ZP2: variants seen among roughly 807,000 people sequenced by gnomAD.
ZP2 encodes zona pellucida glycoprotein 2, also known as zona pellucida sperm-binding protein 2.
A neutral mutation model predicts 84.0 loss-of-function variants in ZP2; 51 were observed. That is an observed-to-expected ratio of 0.61 (90% CI 0.49 to 0.77). The LOEUF (loss-of-function observed/expected upper bound fraction) is 0.77. Among genes scored for constraint, ZP2 ranks in the 30% least tolerant of loss-of-function variants. The pLI is 0.00. For synonymous variants in ZP2, 375 were observed against 330.9 expected, an observed-to-expected ratio of 1.13 and a Z score of -1.45; for missense variants, 909 against 911.9, an observed-to-expected ratio of 1.00 and a Z score of 0.04.
chr16:21,202,750 G>A (rs1200129787), intron 10 of ZP2, among the ~76,000 whole-genome samples: 2 of 146,280 alleles, frequency 1.4e-5, no homozygotes, highest in Non-Finnish European at 3.0e-5. Flanking sequence ...AGCACATGGT[G>A]GAGGCAATGC....
chr16:21,211,886 T>C (rs2093276850), upstream of ZP2: 2 of 874,920 alleles, frequency 2.3e-6, no homozygotes, highest in East Asian at 4.0e-5. Flanking sequence ...AAGAGAATCA[T>C]GGGCTTTATT....
At chr16:21,209,416 G>A (rs1248587092) in intron 4 of ZP2, among the ~76,000 whole-genome samples, 1 of 152,146 alleles carries the variant, frequency 6.6e-6, no homozygotes, top group Non-Finnish European at 1.5e-5. Flanking sequence ...TGATCCACCC[G>A]TCTCAGCCTC....
In ZP2 at chr16:21,201,203, CAAAA is replaced by C. The variant is rs74269334; in HGVS notation, c.1694+162_1694+165del. Reference sequence around the variant, plus strand: ...GACAGAATGAGACCCCATCTCAAAACAAAAAAAAAAAAAACAGAAGGCAGAAGAG... The same window carrying C: ...GACAGAATGAGACCCCATCTCAAAACAAAAAAAAAACAGAAGGCAGAAGAG... On this transcript the variant is annotated intron_variant, in intron 14 of 18. Coordinates refer to ENST00000574091, the MANE Select transcript of ZP2 (RefSeq NM_001376232.1). 4.5e-5 allele frequency among the ~76,000 whole-genome samples: 5 copies of C among 112,250 alleles called. No individual in the cohort carries two copies. In the South Asian group the frequency reaches 1.1e-3, roughly 25 times the overall value. 73.6% of individuals were successfully genotyped at this position (112,250 alleles called of 152,430 possible).
chr16:21,213,685 C>T (rs1248643850), upstream of ZP2, among the ~76,000 whole-genome samples: 1 of 152,138 alleles, frequency 6.6e-6, no homozygotes, highest in Non-Finnish European at 1.5e-5. Context: ...AGTGGTTAAC[C>T]TCCTTACGGG....
At chr16:21,202,938 T>C (rs2093232740) in intron 10 of ZP2, among the ~76,000 whole-genome samples, 187 bp downstream of exon 10, 1 of 152,224 alleles carries the variant, frequency 6.6e-6, no homozygotes, top group South Asian at 2.1e-4. Flanking sequence ...CCTACCTATG[T>C]AGGGATCTTA....
intron 6 of ZP2, 56 bp downstream of exon 6, chr16:21,205,675 C>A: frequency 6.2e-7 from 1 of 1,613,256 alleles, no homozygotes; most frequent in South Asian, 1.1e-5. Context: ...GGTAATATCA[C>A]CTTTAACATA....
intron 5 of ZP2, 48 bp from the exon 6 acceptor site, chr16:21,205,823 TTTCCGAA>T: frequency 6.3e-7 from 1 of 1,597,734 alleles, no homozygotes; most frequent in Non-Finnish European, 8.6e-7. Flanking sequence ...GAGGTAGATG[TTTCCGAA>T]TTCATGCCAG....
upstream of ZP2, among the ~76,000 whole-genome samples, chr16:21,213,034 G>A (rs558018286): frequency 5.3e-5 from 8 of 152,282 alleles, no homozygotes; most frequent in South Asian, 2.1e-4. Flanking sequence ...AGTTTTTGCC[G>A]CTACTTTTAT....
chr16:21,203,828 A>G (rs2093237042), intron 9 of ZP2: 1 of 619,410 alleles, frequency 1.6e-6, no homozygotes, highest in African/African-American at 1.8e-5. Flanking sequence ...CAGAAGTTAA[A>G]GAGGTTTTGT....
chr16:21,198,066 GACT>G (rs1229410084), intron 17 of ZP2: 1 of 488,564 alleles, frequency 2.0e-6, no homozygotes, highest in Non-Finnish European at 3.6e-6. Context: ...TTAAATCTTT[GACT>G]ACTATACAAG....
chr16:21,211,121 A>T (rs541164761), intron 2 of ZP2, among the ~76,000 whole-genome samples, 186 bp downstream of exon 2: 1 of 152,246 alleles, frequency 6.6e-6, no homozygotes, highest in South Asian at 2.1e-4. Context: ...CAAGTGTTTG[A>T]GTTTTCATTT....
In ZP2 at chr16:21,203,209, G is replaced by A; in HGVS notation, c.1015C>T (p.Leu339Phe). 1 of 1,613,950 alleles carries A rather than the reference G, an allele frequency of 6.2e-7. No individual in the cohort carries two copies. Among genetic ancestry groups the A allele is most frequent in the Non-Finnish European group, 8.5e-7 (1 of 1,179,900 alleles). The change falls in exon 10 of 19, where the codon CTC becomes TTC. Residue 339 changes from leucine to phenylalanine, a missense_variant. By Grantham distance (22) the Leu-to-Phe change is conservative (BLOSUM62 0). Transcript: ENST00000574091. The part of the protein sequence containing the change: ...CLLHQFYLAS[L>F]KLTFLLRPET... ...GGCCGAAGGAGAAAGGTCAGCTTGA[G>A]TGAAGCTAAGTAGAACTGATGGAGT...
At chr16:21,201,196 C>T (rs1218836295) in intron 14 of ZP2, among the ~76,000 whole-genome samples, 173 bp downstream of exon 14, 1 of 146,018 alleles carries the variant, frequency 6.8e-6, no homozygotes, top group African/African-American at 2.7e-5. Context: ...GAGACCCCAT[C>T]TCAAAACAAA....
chr16:21,203,790 T>G, intron 9 of ZP2: 1 of 566,152 alleles, frequency 1.8e-6, no homozygotes, highest in East Asian at 3.1e-5. Context: ...GTTTTAAGAC[T>G]TAGAAAGACT....
At chr16:21,202,829 A>G (rs1222468185) in intron 10 of ZP2, among the ~76,000 whole-genome samples, 1 of 152,090 alleles carries the variant, frequency 6.6e-6, no homozygotes, top group Non-Finnish European at 1.5e-5. Flanking sequence ...CTTAAACTTA[A>G]TTCTAATTAG....
rs2093217429 is a variant in ZP2 at position 21,199,866 on chromosome 16, G to A, written c.1707C>T (p.Asp569=). 5.0e-6 allele frequency: 8 copies of A among 1,612,446 alleles called. No individual in the cohort carries two copies. Among genetic ancestry groups the A allele is most frequent in the Admixed American group, 1.7e-5 (1 of 60,004 alleles). ...WNVVVDGCAY[D]LDNYQTTFHP... Reference sequence around the variant, plus strand: ...GGAAGGTGGTCTGGTAGTTGTCCAGGTCATATGCACAGCTAGGAGGTATGC... The same window carrying A: ...GGAAGGTGGTCTGGTAGTTGTCCAGATCATATGCACAGCTAGGAGGTATGC... Residue 569 remains aspartate, a synonymous_variant, in exon 15 of 19, where the codon GAC becomes GAT. Transcript: ENST00000574091.
chr16:21,199,816 T>A lies in ZP2; in HGVS notation c.1757A>T (p.His586Leu), dbSNP rs760045635. 6.2e-7 allele frequency: 1 copy of A among 1,613,818 alleles called. No individual in the cohort carries two copies. Among genetic ancestry groups the A allele is most frequent in the Non-Finnish European group, 8.5e-7 (1 of 1,180,016 alleles). ...TFHPVGSSVT[H>L]PDHYQRFDMK... ...GTCAAACCTCTGATAGTGATCAGGA[T>A]GGGTCACAGAGGAGCCGACTGGATG... Residue 586 changes from histidine (H) to leucine (L), a missense_variant, in exon 15 of 19, where the codon CAT becomes CTT. Coordinates refer to ENST00000574091, the MANE Select transcript of ZP2 (RefSeq NM_001376232.1).
rs377495556 is a variant in ZP2, at chr16:21,209,744, G to C, written c.236-19C>G. On this transcript the variant is annotated intron_variant, in intron 3 of 18. Transcript: ENST00000574091. ...AGAGGATCTGCCAAGGCCAGAGCAG[G>C]TTAGACAGGATGGCTGAGTACATTT... 6.8e-6 allele frequency: 11 copies of C among 1,611,730 alleles called. No individual in the cohort carries two copies. The East Asian group carries it at 2.0e-4, about 29-fold the overall frequency.
chr16:21,204,202 G>T lies in ZP2; in HGVS notation c.800C>A (p.Thr267Asn). 1.9e-6 allele frequency: 3 copies of T among 1,614,108 alleles called. No individual in the cohort carries two copies. Among genetic ancestry groups the T allele is most frequent in the Non-Finnish European group, 2.5e-6 (3 of 1,180,002 alleles). The change falls in exon 9 of 19, where the codon ACC becomes AAC. Residue 267 changes from threonine to asparagine, a missense_variant. Thr to Asn is a moderately conservative substitution (Grantham distance 65, BLOSUM62 0). Coordinates refer to ENST00000574091, the MANE Select transcript of ZP2 (RefSeq NM_001376232.1). ...GAGAGTCATGTGTGTGGCATTGCAGGTCACAGGATCTAGAAGGAATGACAA... is the reference window on the plus strand; with the variant it reads ...GAGAGTCATGTGTGTGGCATTGCAGTTCACAGGATCTAGAAGGAATGACAA... ...SQAICAPDPV[T>N]CNATHMTLTI...
Sources: allele counts gnomAD v4.1 joint callset (sites outside exome capture counted in the v4.1 genomes callset), GRCh38; gene constraint gnomAD v4.1.1; transcripts MANE v1.5; gene names NCBI Gene and HGNC (gene_info 2026-07-23, HGNC 2026-07-21).